CSNK1G1: variants seen among roughly 807,000 people sequenced by gnomAD.
CSNK1G1 encodes casein kinase 1 gamma 1, also known as casein kinase I isoform gamma-1.
CSNK1G1 carries 22 observed loss-of-function variants against 59.6 expected under a neutral mutation model. That is an observed-to-expected ratio of 0.37 (90% confidence interval 0.26 to 0.53). CSNK1G1 has a LOEUF of 0.53. Among genes scored for constraint, CSNK1G1 ranks in the 20% least tolerant of loss-of-function variants. The probability of loss-of-function intolerance (pLI) is 0.89; values close to 1 mark genes in which losing one functional copy is unlikely to be tolerated. For missense variants in CSNK1G1, 384 were observed against 519.5 expected, an observed-to-expected ratio of 0.74 and a Z score of 2.54; for synonymous variants, 179 against 177.1, an observed-to-expected ratio of 1.01 and a Z score of -0.08.
At chr15:64,235,544 A>G (rs1002966686) in intron 4 of CSNK1G1, among the ~76,000 whole-genome samples, 2 of 152,258 alleles carry the variant, frequency 1.3e-5, no homozygotes, top group African/African-American at 4.8e-5. Context: ...TGGGCTTTAT[A>G]AATCAACAAA....
rs79899998 is a variant in CSNK1G1 at position 64,200,837 on chromosome 15, A to G, written c.1107+2245T>C. Among the ~76,000 whole-genome samples, 1,254 of 152,338 alleles carry G rather than the reference A, an allele frequency of 8.2e-3. 16 individuals carry two copies. The highest frequency in any genetic ancestry group is 0.028 in the African/African-American group (1,176 of 41,560). On this transcript the variant is annotated intron_variant, in intron 10 of 11. Coordinates refer to ENST00000303052, the MANE Select transcript of CSNK1G1 (RefSeq NM_022048.5). This position sits in a 1 kb window ranked among gnomAD's most constrained non-coding sequence, Gnocchi z 4.3. ...AGTAGATTTATAACCATGCCTTTAT[A>G]GGTGGATAGGCAGATCATTTCTATA...
At chr15:64,229,018 C>CAAAAAAA (rs1218085247) in intron 4 of CSNK1G1, among the ~76,000 whole-genome samples, 82 of 65,094 alleles carry the variant, frequency 1.3e-3, no homozygotes, top group African/African-American at 2.9e-3. Flanking sequence ...GACTCTGTCT[C>CAAAAAAA]AAAAAAAAAA....
chr15:64,202,687 G>C (rs771985482), intron 10 of CSNK1G1, among the ~76,000 whole-genome samples: 1 of 151,962 alleles, frequency 6.6e-6, no homozygotes, highest in African/African-American at 2.4e-5. Context: ...AAAGTAGCTG[G>C]GACTATAGGC....
chr15:64,259,662 TATATATTTTGTC>T (rs1892590983), intron 2 of CSNK1G1, among the ~76,000 whole-genome samples: 1 of 152,186 alleles, frequency 6.6e-6, no homozygotes. Flanking sequence ...AATAGAATTC[TATATATTTTGTC>T]ATGGTATTTC....
chr15:64,206,135 G>A (rs1401047047), intron 7 of CSNK1G1, among the ~76,000 whole-genome samples: 2 of 152,078 alleles, frequency 1.3e-5, no homozygotes, highest in African/African-American at 4.8e-5. Flanking sequence ...GTGAAACCCC[G>A]TCTCTACTAA....
intron 2 of CSNK1G1, among the ~76,000 whole-genome samples, chr15:64,285,640 G>C (rs1026055014): frequency 2.6e-5 from 4 of 152,050 alleles, no homozygotes; most frequent in Admixed American, 2.6e-4. Context: ...ACCTGGAATA[G>C]TCCTTTAATC....
intron 1 of CSNK1G1, among the ~76,000 whole-genome samples, chr15:64,303,067 T>A (rs1315640323): frequency 6.6e-6 from 1 of 151,610 alleles, no homozygotes; most frequent in Non-Finnish European, 1.5e-5. Flanking sequence ...ATTTGTCAGG[T>A]TAAAAACCCA....
rs1312817625 is a variant in CSNK1G1, at chr15:64,233,232, CCAAA to C, written c.293-16523_293-16520del. On this transcript the variant is annotated intron_variant, in intron 4 of 11. Transcript: ENST00000303052. The stretch of plus-strand genomic sequence containing the variant: ...TGTGTTACTGTGGGATGTATGAAGG[CCAAA>C]CAATTTTTATAATAAACTCACAACA... 5.9e-5 allele frequency among the ~76,000 whole-genome samples: 9 copies of C among 152,212 alleles called. 1 individual carries two copies. Among genetic ancestry groups the C allele is most frequent in the African/African-American group, 1.9e-4 (8 of 41,528 alleles).
At chr15:64,310,937 G>T (rs1287056094) in intron 1 of CSNK1G1, among the ~76,000 whole-genome samples, 1 of 149,822 alleles carries the variant, frequency 6.7e-6, no homozygotes, top group Admixed American at 6.6e-5. Flanking sequence ...CCCTGGAGGC[G>T]GAAGTTGCAG....
At chr15:64,303,665 T>C (rs1895492582) in intron 1 of CSNK1G1, among the ~76,000 whole-genome samples, 1 of 151,648 alleles carries the variant, frequency 6.6e-6, no homozygotes, top group East Asian at 1.9e-4. Context: ...GGCAGGAGAA[T>C]TGCTTGAACC....
intron 11 of CSNK1G1, among the ~76,000 whole-genome samples, chr15:64,172,694 A>T (rs1361725953): frequency 6.6e-6 from 1 of 152,104 alleles, no homozygotes; most frequent in African/African-American, 2.4e-5. Context: ...AGGGAGTGAG[A>T]TACAGGGCAC....
chr15:64,206,506 C>T lies in CSNK1G1; in HGVS notation c.765+1003G>A, dbSNP rs560606489. ...CCTGTAATCCCAGCTATTCAAGAGG[C>T]TGAGGTAGGAGAACCGCTGGAACCT... On this transcript the variant is annotated intron_variant, in intron 7 of 11. Transcript: ENST00000303052. Among the ~76,000 whole-genome samples the T allele has an allele frequency of 1.0e-4, 14 of 138,972 alleles. No individual in the cohort carries two copies. In the East Asian group the frequency reaches 3.0e-3, roughly 30 times the overall value. The allele number at this position is 138,972 out of a possible 152,430, so 91.2% of individuals were successfully genotyped here.
intron 10 of CSNK1G1, among the ~76,000 whole-genome samples, chr15:64,196,048 C>G (rs2082034778): frequency 6.6e-6 from 1 of 151,744 alleles, no homozygotes; most frequent in Non-Finnish European, 1.5e-5. Flanking sequence ...GGCCCTGTCT[C>G]TACAAAAAAT....
At chr15:64,331,973 G>A (rs1461450940) in intron 1 of CSNK1G1, among the ~76,000 whole-genome samples, 9 of 151,820 alleles carry the variant, frequency 5.9e-5, no homozygotes, top group African/African-American at 2.2e-4. Flanking sequence ...ACCACAATGA[G>A]ATACCATCTC....
chr15:64,277,958 TGAATAATATATTAATATTGATATATTC>T (rs1893831828), intron 2 of CSNK1G1, among the ~76,000 whole-genome samples: 2 of 145,586 alleles, frequency 1.4e-5, no homozygotes, highest in Admixed American at 7.0e-5. Context: ...TTGATATAGT[TGAATAATATATTAATATTGATATATTC>T]GAATAATATA....
chr15:64,198,192 C>CTTT (rs893282431), intron 10 of CSNK1G1, among the ~76,000 whole-genome samples: 22 of 110,556 alleles, frequency 2.0e-4, no homozygotes, highest in Middle Eastern at 4.9e-3. Context: ...ACAGGATATA[C>CTTT]TTTTTTTTTT....
intron 2 of CSNK1G1, among the ~76,000 whole-genome samples, chr15:64,264,959 G>A (rs1400890826): frequency 2.0e-5 from 3 of 152,162 alleles, no homozygotes; most frequent in East Asian, 3.9e-4. Context: ...CAAAAGACTA[G>A]AACAAGACAA....
At chr15:64,219,345 T>C (rs2140273329) in intron 4 of CSNK1G1, among the ~76,000 whole-genome samples, 1 of 152,354 alleles carries the variant, frequency 6.6e-6, no homozygotes, top group Middle Eastern at 3.4e-3. Context: ...TTTAAATTTA[T>C]GTCCTATATA....
At chr15:64,249,594 C>T (rs1458668992) in intron 4 of CSNK1G1, among the ~76,000 whole-genome samples, 1 of 152,198 alleles carries the variant, frequency 6.6e-6, no homozygotes, top group Non-Finnish European at 1.5e-5. Context: ...GTTGGCCTAA[C>T]CAGTACAACA....
Sources: allele counts gnomAD v4.1 joint callset (sites outside exome capture counted in the v4.1 genomes callset), GRCh38; gene constraint gnomAD v4.1.1; non-coding constraint Gnocchi (gnomAD v3.1); transcripts MANE v1.5; gene names NCBI Gene and HGNC (gene_info 2026-07-23, HGNC 2026-07-21).